The following MEX3C variants were observed in gnomAD, a reference collection of about 807,000 sequenced individuals.
The protein encoded by MEX3C is RNA-binding E3 ubiquitin-protein ligase MEX3C.
MEX3C carries 15 observed loss-of-function variants against 35.5 expected under a neutral mutation model. The ratio of observed to expected loss-of-function variants is 0.42; its 90% CI spans 0.28 to 0.65. The LOEUF is 0.65. Ranked by LOEUF, MEX3C falls within the 30% of genes least tolerant of loss-of-function variation. The probability of loss-of-function intolerance (pLI) is 0.20; values close to 1 mark genes in which losing one functional copy is unlikely to be tolerated. For synonymous variants in MEX3C, 390 were observed against 352.8 expected, an observed-to-expected ratio of 1.11 and a Z score of -1.18; for missense variants, 711 against 842.8, an observed-to-expected ratio of 0.84 and a Z score of 1.94.
chr18:51,183,188 T>G (rs1035685643), intron 1 of MEX3C, among the ~76,000 whole-genome samples: 3 of 152,226 alleles, frequency 2.0e-5, no homozygotes, highest in Non-Finnish European at 4.4e-5. Context: ...TAACACCAAA[T>G]TTTTAAAAAC....
At position 51,176,341 on chromosome 18, in the gene MEX3C, A is replaced by G. The variant is rs1912301699; in HGVS notation, c.*10T>C. 6.2e-7 allele frequency: 1 copy of G among 1,600,774 alleles called. No homozygotes were observed. Among genetic ancestry groups the G allele is most frequent in the East Asian group, 2.2e-5 (1 of 44,770 alleles). On this transcript the variant is annotated 3_prime_UTR_variant, in exon 2 of 2. Transcript: ENST00000406189. ...ATATAGAGATATAGTATTTATGTAT[A>G]TATATATAGTTAAGAGTGAATTTGG...
chr18:51,191,774 G>A (rs1256455762), intron 1 of MEX3C, among the ~76,000 whole-genome samples: 1 of 152,120 alleles, frequency 6.6e-6, no homozygotes, highest in African/African-American at 2.4e-5. Context: ...AGGTGCAAAA[G>A]AGGAATCTGA....
Position 51,176,743 on chromosome 18 carries a change from T to C in MEX3C, c.1588A>G (p.Met530Val), listed in dbSNP as rs752602118. ...SGFGSDPSGN[M>V]KTQRRGSQPS... ...TGACTTCCTCTGCGCTGAGTCTTCATGTTACCAGAAGGATCACTCCCAAAG... is the reference window on the plus strand; with the variant it reads ...TGACTTCCTCTGCGCTGAGTCTTCACGTTACCAGAAGGATCACTCCCAAAG... The change falls in exon 2 of 2, where the codon ATG becomes GTG. Residue 530 changes from methionine (M) to valine (V), a missense_variant. Met to Val is a conservative substitution (Grantham distance 21). Coordinates refer to ENST00000406189, the MANE Select transcript of MEX3C (RefSeq NM_016626.5). 7 of 1,613,886 alleles carry C rather than the reference T, an allele frequency of 4.3e-6. No homozygotes were observed. The highest frequency in any genetic ancestry group is 3.3e-5 in the South Asian group (3 of 91,088).
intron 1 of MEX3C, among the ~76,000 whole-genome samples, chr18:51,185,140 G>A (rs1423787103): frequency 6.6e-6 from 1 of 152,196 alleles, no homozygotes; most frequent in Non-Finnish European, 1.5e-5. Flanking sequence ...CAAGGTGTTT[G>A]CAAGGGCTAT....
At chr18:51,180,835 C>T (rs1912412544) in intron 1 of MEX3C, among the ~76,000 whole-genome samples, 2 of 152,174 alleles carry the variant, frequency 1.3e-5, no homozygotes, top group African/African-American at 4.8e-5. Context: ...TATTTCTTCA[C>T]TTCCCTAAAT....
intron 1 of MEX3C, among the ~76,000 whole-genome samples, chr18:51,181,068 G>A (rs1475163354): frequency 2.0e-5 from 3 of 152,106 alleles, no homozygotes; most frequent in African/African-American, 4.8e-5. Flanking sequence ...TGCAGGTGAC[G>A]AAGGTATTAG....
At chr18:51,194,954 T>C (rs1030765172) in intron 1 of MEX3C, 7 of 152,230 alleles carry the variant, frequency 4.6e-5, no homozygotes, top group African/African-American at 1.7e-4. Flanking sequence ...GCCCTCTCCA[T>C]AGATGTTCTC....
Position 51,196,948 on chromosome 18 carries a change from G to A in MEX3C, c.373C>T (p.Leu125=). 6.5e-7 allele frequency: 1 copy of A among 1,543,848 alleles called. No individual in the cohort carries two copies. Residue 125 remains leucine, a synonymous_variant, in exon 1 of 2, where the codon CTG becomes TTG. Coordinates refer to ENST00000406189, the MANE Select transcript of MEX3C (RefSeq NM_016626.5). Reference sequence around the variant, plus strand: ...GCTTCCTCCAGCTCCTCCTCCTCCAGCAGGTCTCCGTCCAGCTCCGCTTCC... The same window carrying A: ...GCTTCCTCCAGCTCCTCCTCCTCCAACAGGTCTCCGTCCAGCTCCGCTTCC... ...GEEAELDGDL[L]EEEELEEAEE...
rs530602218 is a variant in MEX3C, at chr18:51,196,767, CCCGCCGCCG to C, written c.545_553del (p.Ala182_Ala184del). 117 of 1,486,448 alleles carry C rather than the reference CCCGCCGCCG, an allele frequency of 7.9e-5. 2 individuals carry two copies. The South Asian group carries it at 1.2e-3, about 16-fold the overall frequency. 92.1% of individuals were successfully genotyped at this position (1,486,448 alleles called of 1,614,324 possible). On this transcript the variant is annotated inframe_deletion, in exon 1 of 2. Transcript: ENST00000406189. ...GGCATCGTCCCCTCCGTACAGCACCCCCGCCGCCGCCGCCGCGGCCGCCGCCTCCCGGGC... is the reference window on the plus strand; with the variant it reads ...GGCATCGTCCCCTCCGTACAGCACCCCCGCCGCGGCCGCCGCCTCCCGGGC...
intron 1 of MEX3C, among the ~76,000 whole-genome samples, chr18:51,181,268 T>C (rs1418907179): frequency 6.6e-6 from 1 of 152,084 alleles, no homozygotes; most frequent in Admixed American, 6.6e-5. Flanking sequence ...TATAACATTA[T>C]TAGAAATGGC....
chr18:51,183,338 C>CCA (rs1269387809), intron 1 of MEX3C, among the ~76,000 whole-genome samples: 3 of 152,128 alleles, frequency 2.0e-5, no homozygotes, highest in African/African-American at 7.2e-5. Flanking sequence ...CCATTTGTTC[C>CCA]CACTTCCCAA....
At position 51,196,979 on chromosome 18, in the gene MEX3C, C is replaced by A. The variant is rs536998307; in HGVS notation, c.342G>T (p.Glu114Asp). The change falls in exon 1 of 2, where the codon GAG becomes GAT. Residue 114 changes from glutamate to aspartate, a missense_variant. By Grantham distance (45) the Glu-to-Asp change is conservative (BLOSUM62 2). Transcript: ENST00000406189. The part of the protein sequence containing the change: ...AELELEEDEE[E>D]GEEAELDGDL... ...CTCCGTCCAGCTCCGCTTCCTCCCC[C>A]TCCTCCTCGTCCTCTTCCAGCTCCA... The A allele has an allele frequency of 4.5e-6, 7 of 1,539,544 alleles. No homozygotes were observed. In the African/African-American group the frequency reaches 7.0e-5, roughly 15 times the overall value.
In MEX3C at chr18:51,196,804, C is replaced by T. The variant is rs768319480; in HGVS notation, c.517G>A (p.Asp173Asn). Residue 173 changes from aspartate to asparagine, a missense_variant, in exon 1 of 2, where the codon GAT (aspartate) becomes AAT (asparagine). Transcript: ENST00000406189. ...GCCGCGGCCGCCGCCTCCCGGGCAT[C>T]GAACCTGGCGGCTGGCAGCAGCACA... Reference protein sequence around the residue: ...GSVLLPAARFDAREAAAAAAA... With the variant: ...GSVLLPAARFNAREAAAAAAA... 6.5e-7 allele frequency: 1 copy of T among 1,531,696 alleles called. No individual in the cohort carries two copies. Among genetic ancestry groups the T allele is most frequent in the South Asian group, 1.2e-5 (1 of 83,624 alleles). The allele number at this position is 1,531,696 out of a possible 1,614,324, so 94.9% of individuals were successfully genotyped here.
chr18:51,194,566 A>G (rs1446128056), intron 1 of MEX3C: 1 of 152,220 alleles, frequency 6.6e-6, no homozygotes, highest in Admixed American at 6.5e-5. Flanking sequence ...GCCATTTAGC[A>G]GTGCTTTAAG....
Position 51,175,331 on chromosome 18 carries a change from TTTCC to T in MEX3C, c.*1016_*1019del, listed in dbSNP as rs1369951697. Reference sequence around the variant, plus strand: ...TGTACGAGTATATTTTAAATAAATCTTTCCTTGTGATTGGAAATAGTTTTGAAAT... The same window carrying T: ...TGTACGAGTATATTTTAAATAAATCTTTGTGATTGGAAATAGTTTTGAAAT... On this transcript the variant is annotated 3_prime_UTR_variant, in exon 2 of 2. Transcript: ENST00000406189. The T allele has an allele frequency of 2.0e-5, 3 of 152,770 alleles. No homozygotes were observed. The highest frequency in any genetic ancestry group is 4.4e-5 in the Non-Finnish European group (3 of 68,034). The allele number at this position is 152,770 out of a possible 1,614,324, so 9.5% of individuals were successfully genotyped here.
rs776224061 is a variant in MEX3C, at chr18:51,176,730, C to T, written c.1601G>A (p.Arg534His). The change falls in exon 2 of 2, where the codon CGC becomes CAC. Residue 534 changes from arginine to histidine, a missense_variant. Coordinates refer to ENST00000406189, the MANE Select transcript of MEX3C (RefSeq NM_016626.5). ...SDPSGNMKTQ[R>H]RGSQPSTPRL... is the part of the protein sequence containing the mutation. The stretch of plus-strand genomic sequence containing the variant: ...AGGAGTAGATGGCTGACTTCCTCTG[C>T]GCTGAGTCTTCATGTTACCAGAAGG... 4.9e-5 allele frequency: 79 copies of T among 1,613,856 alleles called. No homozygotes were observed. Among genetic ancestry groups the T allele is most frequent in the African/African-American group, 1.7e-4 (13 of 74,908 alleles).
chr18:51,183,984 G>C (rs1162018624), intron 1 of MEX3C, among the ~76,000 whole-genome samples: 1 of 152,116 alleles, frequency 6.6e-6, no homozygotes, highest in Non-Finnish European at 1.5e-5. Context: ...CTGGGCAACA[G>C]AGTGAGACCC....
intron 1 of MEX3C, chr18:51,195,417 G>T (rs1406702193): frequency 1.3e-5 from 2 of 152,192 alleles, no homozygotes; most frequent in Non-Finnish European, 2.9e-5. Flanking sequence ...CTACAGATAG[G>T]AAAGAAATAA....
At chr18:51,196,327 C>A (rs988484445) in intron 1 of MEX3C, 4 of 888,150 alleles carry the variant, frequency 4.5e-6, no homozygotes, top group Middle Eastern at 3.6e-4. Context: ...GTGAACACCA[C>A]CGGACTGGGT....
Sources: allele counts gnomAD v4.1 joint callset (sites outside exome capture counted in the v4.1 genomes callset), GRCh38; gene constraint gnomAD v4.1.1; transcripts MANE v1.5; gene names NCBI Gene and HGNC (gene_info 2026-07-23, HGNC 2026-07-21).